Variants in CDH9 observed in about 807,000 individuals in gnomAD.
CDH9 encodes the protein cadherin 9.
Under a neutral mutation model 70.9 loss-of-function variants are expected in CDH9, and 28 were observed. That is an observed-to-expected ratio of 0.40 (90% CI 0.29 to 0.54). The LOEUF (loss-of-function observed/expected upper bound fraction) is 0.54. CDH9 is among the 20% of genes least tolerant of loss of function. The probability of loss-of-function intolerance (pLI) is 0.59; values close to 1 mark genes in which losing one functional copy is unlikely to be tolerated. For missense variants in CDH9, 874 were observed against 984.4 expected (o/e 0.89, Z 1.50); for synonymous variants, 409 against 343.1 (o/e 1.19, Z -2.12).
chr5:26,990,936 T>C (rs1742570050), intron 1 of CDH9, among the ~76,000 whole-genome samples: 1 of 152,154 alleles, frequency 6.6e-6, no homozygotes, highest in African/African-American at 2.4e-5. Context: ...AATAATCTAG[T>C]TTTATGAGAT....
intron 2 of CDH9, among the ~76,000 whole-genome samples, chr5:26,981,694 T>G (rs1013189832): frequency 2.6e-5 from 4 of 152,046 alleles, no homozygotes; most frequent in African/African-American, 9.7e-5. Flanking sequence ...TAATATGACA[T>G]GGCTAATACT....
At chr5:26,991,185 T>G (rs548190026) in intron 1 of CDH9, among the ~76,000 whole-genome samples, 63 of 152,172 alleles carry the variant, frequency 4.1e-4, no homozygotes, top group Admixed American at 1.3e-3. Flanking sequence ...TGAAGGCATA[T>G]AGAGAAGTGG....
intron 2 of CDH9, among the ~76,000 whole-genome samples, chr5:26,957,741 T>C (rs1423249103): frequency 1.3e-5 from 2 of 152,196 alleles, no homozygotes; most frequent in Non-Finnish European, 2.9e-5. Context: ...GGTGGCAAAT[T>C]TGATGCACAA....
In CDH9 at chr5:26,988,367, G is replaced by A. The variant is rs760636062; in HGVS notation, c.-34C>T. 2 of 1,595,080 alleles carry A rather than the reference G, an allele frequency of 1.3e-6. No individual in the cohort carries two copies. Among genetic ancestry groups the A allele is most frequent in the Non-Finnish European group, 1.7e-6 (2 of 1,168,592 alleles). On this transcript the variant is annotated 5_prime_UTR_variant, in exon 2 of 12. Transcript: ENST00000231021. ...ACTTCAGTGGGTTGTCAAATTCAATGTATTGTTTGTTTTTCCTAAAGAGTA... is the reference window on the plus strand; with the variant it reads ...ACTTCAGTGGGTTGTCAAATTCAATATATTGTTTGTTTTTCCTAAAGAGTA...
chr5:27,016,004 CAT>C (rs1743040581), intron 1 of CDH9, among the ~76,000 whole-genome samples: 1 of 151,810 alleles, frequency 6.6e-6, no homozygotes, highest in Admixed American at 6.6e-5. Flanking sequence ...CAAATTCAAA[CAT>C]GTACTGACAT....
rs147712140 is a variant in CDH9, at chr5:26,953,067, T to C, written c.228+35039A>G. ...AAAGCACGCTGCCTGCTGTAGTTTC[T>C]TCACATTAACTTCAGCGTATCCTAC... is the stretch of plus-strand genomic sequence containing the variant. On this transcript the variant is annotated intron_variant, in intron 2 of 11. Transcript: ENST00000231021. 4.5e-3 allele frequency among the ~76,000 whole-genome samples: 687 copies of C among 152,286 alleles called. 13 individuals carry two copies. The highest frequency in any genetic ancestry group is 0.018 in the East Asian group (96 of 5,190).
At chr5:26,974,218 G>A (rs938746607) in intron 2 of CDH9, among the ~76,000 whole-genome samples, 1 of 151,966 alleles carries the variant, frequency 6.6e-6, no homozygotes, top group Non-Finnish European at 1.5e-5. Context: ...CTTCAGCCAG[G>A]GCAGCTGAGT....
intron 2 of CDH9, among the ~76,000 whole-genome samples, chr5:26,925,876 T>C (rs1409413007): frequency 6.6e-6 from 1 of 152,098 alleles, no homozygotes; most frequent in Non-Finnish European, 1.5e-5. Context: ...GAAAAGGCCT[T>C]TGACAAAATT....
At position 26,881,263 on chromosome 5, in the gene CDH9, T is replaced by A; in HGVS notation, c.2243A>T (p.Asp748Val). The A allele has an allele frequency of 1.9e-6, 3 of 1,613,558 alleles. No individual in the cohort carries two copies. Among genetic ancestry groups the A allele is most frequent in the Non-Finnish European group, 2.5e-6 (3 of 1,179,574 alleles). Residue 748 changes from aspartate (D) to valine (V), a missense_variant, in exon 12 of 12, where the codon GAT (aspartate) becomes GTT (valine). Coordinates refer to ENST00000231021, the MANE Select transcript of CDH9 (RefSeq NM_016279.4). ...GAGAGATTCCAAAGAACTGAGCGAA[T>A]CTGCTATGGAATCATTCCCTTCATA... ...YAYEGNDSIADSLSSLESLTA... is the reference protein window; with the variant it reads ...YAYEGNDSIAVSLSSLESLTA...
chr5:26,918,059 T>G (rs1037459239), intron 2 of CDH9, among the ~76,000 whole-genome samples: 2 of 152,190 alleles, frequency 1.3e-5, no homozygotes, highest in African/African-American at 4.8e-5. Flanking sequence ...ATAACCTTAT[T>G]TATACATCCA....
chr5:26,936,760 T>G (rs1741565761), intron 2 of CDH9, among the ~76,000 whole-genome samples: 1 of 151,872 alleles, frequency 6.6e-6, no homozygotes. Flanking sequence ...TCAACTGATC[T>G]CTCACAAACA....
At chr5:27,030,296 T>A (rs1251709645) in intron 1 of CDH9, among the ~76,000 whole-genome samples, 1 of 151,888 alleles carries the variant, frequency 6.6e-6, no homozygotes, top group East Asian at 1.9e-4. Context: ...AATACATTGA[T>A]CCATTTTTAT....
intron 1 of CDH9, among the ~76,000 whole-genome samples, chr5:27,000,656 G>A (rs1293723397): frequency 2.6e-5 from 4 of 152,030 alleles, no homozygotes; most frequent in Non-Finnish European, 2.9e-5. Context: ...GAAAACTTAC[G>A]TATTAATGTT....
chr5:26,993,577 T>C (rs1742616075), intron 1 of CDH9, among the ~76,000 whole-genome samples: 1 of 151,104 alleles, frequency 6.6e-6, no homozygotes, highest in Admixed American at 6.6e-5. Context: ...ATAGACTTAA[T>C]ATGACAGCCC....
Position 26,901,582 on chromosome 5 carries a change from C to T in CDH9, c.1253+894G>A, listed in dbSNP as rs112319287. On this transcript the variant is annotated intron_variant, in intron 7 of 11. Coordinates refer to ENST00000231021, the MANE Select transcript of CDH9 (RefSeq NM_016279.4). The stretch of plus-strand genomic sequence containing the variant: ...AAAAGAATTTAACCATTTTCCCTAA[C>T]TAATTAAATGTTAAGCAAAGTAGAA... Among the ~76,000 whole-genome samples, 519 of 151,922 alleles carry T rather than the reference C, an allele frequency of 3.4e-3. 4 individuals carry two copies. The highest frequency in any genetic ancestry group is 0.012 in the African/African-American group (501 of 41,496).
At chr5:26,909,007 G>A (rs1408370295) in intron 3 of CDH9, among the ~76,000 whole-genome samples, 2 of 152,028 alleles carry the variant, frequency 1.3e-5, no homozygotes, top group South Asian at 2.1e-4. Flanking sequence ...TTTTTGAGAT[G>A]CAGTCTCACT....
chr5:27,017,143 ATAT>A (rs1363682122), intron 1 of CDH9, among the ~76,000 whole-genome samples: 3 of 151,836 alleles, frequency 2.0e-5, no homozygotes, highest in East Asian at 1.9e-4. Context: ...TTTTCAAAAA[ATAT>A]TATTTCATTC....
At chr5:26,959,164 A>C (rs763109012) in intron 2 of CDH9, among the ~76,000 whole-genome samples, 3 of 152,176 alleles carry the variant, frequency 2.0e-5, no homozygotes, top group Non-Finnish European at 4.4e-5. Flanking sequence ...AAGAACAAAA[A>C]GACAACACCA....
At chr5:26,980,988 C>T (rs1742389676) in intron 2 of CDH9, among the ~76,000 whole-genome samples, 1 of 152,058 alleles carries the variant, frequency 6.6e-6, no homozygotes, top group Non-Finnish European at 1.5e-5. Flanking sequence ...CTAAATTTCA[C>T]ATTAAAATAC....
Sources: allele counts gnomAD v4.1 joint callset (sites outside exome capture counted in the v4.1 genomes callset), GRCh38; gene constraint gnomAD v4.1.1; transcripts MANE v1.5; gene names NCBI Gene and HGNC (gene_info 2026-07-23, HGNC 2026-07-21).